Variants in LRRC66 observed in about 807,000 individuals in gnomAD.
LRRC66 encodes the protein leucine rich repeat containing 66, also known as leucine-rich repeat-containing protein 66.
Under a neutral mutation model 24.6 loss-of-function variants are expected in LRRC66, and 29 were observed. The ratio of observed to expected loss-of-function variants is 1.18; its 90% CI spans 0.88 to 1.61. The LOEUF is 1.61. Ranked by LOEUF, LRRC66 falls within the 40% of genes most tolerant of loss-of-function variation. LRRC66 has a pLI of 0.00. For missense variants in LRRC66, 1,124 were observed against 1,058.0 expected (o/e 1.06, Z -0.87); for synonymous variants, 411 against 397.6 (o/e 1.03, Z -0.40).
chr4:52,008,686 T>A (rs544950138), intron 2 of LRRC66, among the ~76,000 whole-genome samples: 1 of 152,182 alleles, frequency 6.6e-6, no homozygotes, highest in Admixed American at 6.5e-5. Context: ...TAAAAATATA[T>A]TTGAAAAACA....
At chr4:52,018,884 CCA>C (rs1736879614) in intron 1 of LRRC66, among the ~76,000 whole-genome samples, 1 of 152,130 alleles carries the variant, frequency 6.6e-6, no homozygotes, top group Non-Finnish European at 1.5e-5. Flanking sequence ...TTCCTCTTAG[CCA>C]CAGTCTTAAG....
chr4:52,006,128 T>C (rs58648909), intron 2 of LRRC66, among the ~76,000 whole-genome samples: 1,607 of 152,336 alleles, frequency 0.011, 34 homozygotes, highest in African/African-American at 0.036. Context: ...GGAGTGATCA[T>C]GCCTAGCTTT....
intron 2 of LRRC66, among the ~76,000 whole-genome samples, chr4:52,008,262 G>T (rs915374546): frequency 6.6e-6 from 1 of 152,042 alleles, no homozygotes; most frequent in Non-Finnish European, 1.5e-5. Context: ...AAGAGCTCCT[G>T]ATTAAATAAT....
intron 4 of LRRC66, among the ~76,000 whole-genome samples, chr4:51,997,111 C>T (rs1211230188): frequency 2.6e-5 from 4 of 151,960 alleles, no homozygotes; most frequent in Non-Finnish European, 5.9e-5. Flanking sequence ...TTTTCTTTTT[C>T]TAGATATGAG....
chr4:52,006,624 C>A (rs1315541266), intron 2 of LRRC66, among the ~76,000 whole-genome samples: 1 of 147,506 alleles, frequency 6.8e-6, no homozygotes, highest in African/African-American at 2.5e-5. Context: ...GTGGGTGCAG[C>A]GCACCAGCAT....
rs771732252 is a variant in LRRC66, at chr4:51,995,362, C to T, written c.1660G>A (p.Gly554Ser). The T allele has an allele frequency of 6.2e-7, 1 of 1,614,148 alleles. No individual in the cohort carries two copies. The highest frequency in any genetic ancestry group is 1.1e-5 in the South Asian group (1 of 91,082). ...QEEPLSAHSV[G>S]VSSVAGTSHA... ...GACGTGCCAGCTACAGAAGAGACGCCCACTGAATGTGCACTGAGAGGCTCT... is the reference window on the plus strand; with the variant it reads ...GACGTGCCAGCTACAGAAGAGACGCTCACTGAATGTGCACTGAGAGGCTCT... Residue 554 changes from glycine to serine, a missense_variant, in exon 5 of 5, where the codon GGC becomes AGC. Physicochemically the swap from Gly to Ser is moderately conservative, Grantham distance 56. Transcript: ENST00000682860.
chr4:52,019,744 G>A (rs1269717966), intron 1 of LRRC66, among the ~76,000 whole-genome samples: 1 of 152,056 alleles, frequency 6.6e-6, no homozygotes, highest in Non-Finnish European at 1.5e-5. Flanking sequence ...AACAAAATCA[G>A]CAACAAAAAA....
Position 51,995,318 on chromosome 4 carries a change from T to C in LRRC66, c.1704A>G (p.Ser568=). ...CTAATTCATTGGAATCATAACGGCT[T>C]GAGCCAGAGACAGCGTGAGACGTGC... ...VAGTSHAVSG[S]SRYDSNELDP... is the part of the protein sequence containing the mutation. Residue 568 remains serine (S), a synonymous_variant, in exon 5 of 5, where the codon TCA becomes TCG. Transcript: ENST00000682860. The C allele has an allele frequency of 6.2e-7, 1 of 1,614,208 alleles. No homozygotes were observed. Among genetic ancestry groups the C allele is most frequent in the Non-Finnish European group, 8.5e-7 (1 of 1,180,032 alleles).
rs1578120271 is a variant in LRRC66 at position 52,018,079 on chromosome 4, C to T, written c.-5-461G>A. On this transcript the variant is annotated intron_variant, in intron 1 of 4. Coordinates refer to ENST00000682860, the MANE Select transcript of LRRC66 (RefSeq NM_001024611.3). The stretch of plus-strand genomic sequence containing the variant: ...CAACCAGTTACACTAAACCGTGACC[C>T]TCCATAACTCTATGAGTAAAAAGTT... 32 of 985,396 alleles carry T rather than the reference C, an allele frequency of 3.2e-5. No homozygotes were observed. The South Asian group carries it at 1.4e-3, about 42-fold the overall frequency. The allele number at this position is 985,396 out of a possible 1,614,324, so 61.0% of individuals were successfully genotyped here. A position where few individuals can be genotyped will look rare whatever the true frequency, so the allele number is the denominator to read the frequency against.
At chr4:52,020,137 G>C (rs186825852) in intron 1 of LRRC66, among the ~76,000 whole-genome samples, 167 bp downstream of exon 1, 8 of 152,194 alleles carry the variant, frequency 5.3e-5, no homozygotes, top group Non-Finnish European at 7.4e-5. Context: ...GAGTCAGCAA[G>C]TGAAAGATAG....
rs1277998871 is a variant in LRRC66 at position 52,017,116 on chromosome 4, AC to A, written c.496+1del. On this transcript the variant is annotated splice_donor_variant, in intron 2 of 4. Transcript: ENST00000682860. LOFTEE classifies it high-confidence loss of function. ...TCTCTGCCTAGTTAAAATTGTACTC[AC>A]CCTTGGGAGTGTCACTGAGTTTATT... is the stretch of plus-strand genomic sequence containing the variant. 1.1e-5 allele frequency: 17 copies of A among 1,599,762 alleles called. No homozygotes were observed. The highest frequency in any genetic ancestry group is 1.4e-5 in the Non-Finnish European group (17 of 1,173,922).
At position 51,994,940 on chromosome 4, in the gene LRRC66, G is replaced by A. The variant is rs777668876; in HGVS notation, c.2082C>T (p.Asp694=). 3 of 1,614,164 alleles carry A rather than the reference G, an allele frequency of 1.9e-6. No homozygotes were observed. Among genetic ancestry groups the A allele is most frequent in the Non-Finnish European group, 2.5e-6 (3 of 1,180,042 alleles). The stretch of plus-strand genomic sequence containing the variant: ...AGTCACTCTCCAACTCACAGCAAGT[G>A]TCAGAAGGAGTGGATTTCTGCACTG... The part of the protein sequence containing the change: ...KEPVQKSTPS[D]TCCELESDCD... The change falls in exon 5 of 5, where the codon GAC becomes GAT. Residue 694 remains aspartate, a synonymous_variant. Transcript: ENST00000682860.
At chr4:52,008,486 T>C (rs1736631711) in intron 2 of LRRC66, among the ~76,000 whole-genome samples, 1 of 151,786 alleles carries the variant, frequency 6.6e-6, no homozygotes, top group Admixed American at 6.6e-5. Flanking sequence ...GAAGAAATTA[T>C]AAAGGAAAAT....
chr4:52,019,717 G>T (rs917152549), intron 1 of LRRC66, among the ~76,000 whole-genome samples: 2 of 152,006 alleles, frequency 1.3e-5, no homozygotes, highest in South Asian at 4.2e-4. Flanking sequence ...ATATACAATG[G>T]TGCACCAAGC....
At chr4:52,010,015 T>C (rs532078313) in intron 2 of LRRC66, among the ~76,000 whole-genome samples, 1 of 152,210 alleles carries the variant, frequency 6.6e-6, no homozygotes, top group Admixed American at 6.5e-5. Flanking sequence ...ATCCCACGAA[T>C]GCAAAGTTGA....
At chr4:52,020,259 G>A (rs1013474469) in intron 1 of LRRC66, among the ~76,000 whole-genome samples, 45 bp downstream of exon 1, 3 of 152,200 alleles carry the variant, frequency 2.0e-5, no homozygotes, top group African/African-American at 7.2e-5. Context: ...AGGCTATTTC[G>A]GGTAAGGACA....
rs771110986 is a variant in LRRC66 at position 51,995,654 on chromosome 4, G to T, written c.1368C>A (p.Thr456=). Residue 456 remains threonine (T), a synonymous_variant, in exon 5 of 5, where the codon ACC becomes ACA. Transcript: ENST00000682860. ...FPHLSLYENQ[T]PFWVTQPHPH... is the part of the protein sequence containing the mutation. ...GGTGTGGCTGTGTCACCCAGAAAGG[G>T]GTCTGGTTCTCGTAGAGGCTTAGAT... is the stretch of plus-strand genomic sequence containing the variant. 1 of 1,614,058 alleles carries T rather than the reference G, an allele frequency of 6.2e-7. No homozygotes were observed. The highest frequency in any genetic ancestry group is 1.7e-5 in the Admixed American group (1 of 60,018).
intron 2 of LRRC66, among the ~76,000 whole-genome samples, chr4:52,004,642 G>C (rs747069897): frequency 6.6e-6 from 1 of 152,178 alleles, no homozygotes; most frequent in Non-Finnish European, 1.5e-5. Flanking sequence ...CATGTAGCCT[G>C]TGTCTTTAAT....
chr4:52,015,008 G>T (rs1390155283), intron 2 of LRRC66, among the ~76,000 whole-genome samples: 3 of 152,150 alleles, frequency 2.0e-5, no homozygotes, highest in African/African-American at 7.2e-5. Context: ...CATTTATAGG[G>T]ATATTTGGTC....
Sources: allele counts gnomAD v4.1 joint callset (sites outside exome capture counted in the v4.1 genomes callset), GRCh38; gene constraint gnomAD v4.1.1; transcripts MANE v1.5; gene names NCBI Gene and HGNC (gene_info 2026-07-23, HGNC 2026-07-21).